The following L3MBTL4 variants were observed in gnomAD, a reference collection of about 807,000 sequenced individuals.
L3MBTL4 encodes lethal(3)malignant brain tumor-like protein 4.
Under a neutral mutation model 84.5 loss-of-function variants are expected in L3MBTL4, and 70 were observed. That is an observed-to-expected ratio of 0.83 (90% CI 0.68 to 1.01). The LOEUF (loss-of-function observed/expected upper bound fraction) is 1.01. Among genes scored for constraint, L3MBTL4 ranks in the 50% least tolerant of loss-of-function variants. The probability of loss-of-function intolerance (pLI) is 0.00; values close to 1 mark genes in which losing one functional copy is unlikely to be tolerated. For missense variants in L3MBTL4, 715 were observed against 754.8 expected, an observed-to-expected ratio of 0.95 and a Z score of 0.62; for synonymous variants, 274 against 259.8, an observed-to-expected ratio of 1.05 and a Z score of -0.52.
At chr18:6,378,651 GGCCTCTGTTCT>G (rs1195194326) in intron 1 of L3MBTL4, among the ~76,000 whole-genome samples, 1 of 152,134 alleles carries the variant, frequency 6.6e-6, no homozygotes, top group Admixed American at 6.6e-5. Flanking sequence ...TTATTTCTGA[GGCCTCTGTTCT>G]GTTCTGTTGG....
chr18:6,345,956 A>G (rs909707235), intron 1 of L3MBTL4, among the ~76,000 whole-genome samples: 4 of 144,112 alleles, frequency 2.8e-5, no homozygotes, highest in Non-Finnish European at 6.0e-5. Flanking sequence ...AAAGTATGGT[A>G]GTAGCATAAA....
At chr18:6,061,785 A>C (rs1004692248) in intron 16 of L3MBTL4, among the ~76,000 whole-genome samples, 2 of 151,828 alleles carry the variant, frequency 1.3e-5, no homozygotes, top group Non-Finnish European at 2.9e-5. Context: ...TATACTTCTA[A>C]ATTAAAAAAC....
At position 6,138,246 on chromosome 18, in the gene L3MBTL4, CGGGAGT is replaced by C; in HGVS notation, c.1141_1146del (p.Thr381_Pro382del). ...CGGATATGGCCTATTCCTCGGCACC[CGGGAGT>C]AGGACAGACAGCTTGACCTGGAAGG... On this transcript the variant is annotated inframe_deletion, in exon 14 of 19. Coordinates refer to ENST00000317931, the MANE Select transcript of L3MBTL4 (RefSeq NM_001330559.2). 2 of 1,613,452 alleles carry C rather than the reference CGGGAGT, an allele frequency of 1.2e-6. No homozygotes were observed. The highest frequency in any genetic ancestry group is 1.7e-6 in the Non-Finnish European group (2 of 1,179,642).
rs562773541 is a variant in L3MBTL4, at chr18:6,317,035, C to T, written c.-90-4979G>A. ...AAATAAATAAATAAATAAATGCACACTGTGGGGAAACAAGATAAGCTTCAA... is the reference window on the plus strand; with the variant it reads ...AAATAAATAAATAAATAAATGCACATTGTGGGGAAACAAGATAAGCTTCAA... On this transcript the variant is annotated intron_variant, in intron 1 of 18. Transcript: ENST00000317931. 8.1e-5 allele frequency among the ~76,000 whole-genome samples: 12 copies of T among 149,012 alleles called. No individual in the cohort carries two copies. The East Asian group carries it at 1.4e-3, about 18-fold the overall frequency.
chr18:6,234,002 AAAT>A (rs1467583559), intron 10 of L3MBTL4, among the ~76,000 whole-genome samples: 1 of 152,210 alleles, frequency 6.6e-6, no homozygotes, highest in African/African-American at 2.4e-5. Context: ...GAGCCCTCAG[AAAT>A]AATACCACAC....
chr18:6,171,803 C>A, intron 13 of L3MBTL4, 25 bp downstream of exon 13: 1 of 1,359,316 alleles, frequency 7.4e-7, no homozygotes, highest in Non-Finnish European at 1.0e-6. Context: ...ATTTAAAAAG[C>A]AACAACAAAG....
intron 10 of L3MBTL4, among the ~76,000 whole-genome samples, chr18:6,218,446 A>G (rs1157034913): frequency 6.6e-6 from 1 of 152,150 alleles, no homozygotes; most frequent in African/African-American, 2.4e-5. Context: ...GGTTGGATAG[A>G]GCGAAAGGAA....
intron 12 of L3MBTL4, among the ~76,000 whole-genome samples, chr18:6,182,825 C>T (rs1388114700): frequency 2.0e-5 from 3 of 152,010 alleles, no homozygotes; most frequent in Non-Finnish European, 2.9e-5. Flanking sequence ...TTTTCAAATG[C>T]TTTTTTAGGG....
chr18:6,202,438 A>G (rs188214230), intron 12 of L3MBTL4, among the ~76,000 whole-genome samples: 62 of 152,244 alleles, frequency 4.1e-4, no homozygotes, highest in African/African-American at 1.4e-3. Flanking sequence ...GGTCCAGTCC[A>G]TATGTTTAAG....
intron 4 of L3MBTL4, among the ~76,000 whole-genome samples, chr18:6,280,084 TAACCTTTCA>T (rs1427616218): frequency 6.6e-6 from 1 of 152,210 alleles, no homozygotes; most frequent in Non-Finnish European, 1.5e-5. Context: ...CACAGCTCGC[TAACCTTTCA>T]AAACACTAGT....
intron 14 of L3MBTL4, among the ~76,000 whole-genome samples, chr18:6,094,005 C>A (rs929908141): frequency 6.6e-6 from 1 of 152,166 alleles, no homozygotes; most frequent in Non-Finnish European, 1.5e-5. Flanking sequence ...TCTGCTTAAT[C>A]CTCCAGAGCT....
chr18:6,145,188 A>G (rs2042596314), intron 13 of L3MBTL4, among the ~76,000 whole-genome samples: 1 of 152,224 alleles, frequency 6.6e-6, no homozygotes, highest in Non-Finnish European at 1.5e-5. Flanking sequence ...CGAGAAATAA[A>G]AGAGATTGTA....
intron 1 of L3MBTL4, among the ~76,000 whole-genome samples, chr18:6,338,484 G>T (rs1301790344): frequency 6.6e-6 from 1 of 151,778 alleles, no homozygotes; most frequent in Non-Finnish European, 1.5e-5. Flanking sequence ...GGAAAAAGAA[G>T]GAAACTAAGC....
chr18:6,124,396 A>T (rs2144381095), intron 14 of L3MBTL4, among the ~76,000 whole-genome samples: 1 of 149,456 alleles, frequency 6.7e-6, no homozygotes, highest in South Asian at 2.1e-4. Flanking sequence ...ATATAGACAT[A>T]TATAGGGGGA....
intron 12 of L3MBTL4, among the ~76,000 whole-genome samples, chr18:6,198,227 C>T (rs1257445502): frequency 2.0e-5 from 3 of 152,194 alleles, no homozygotes; most frequent in South Asian, 2.1e-4. Flanking sequence ...CTCAGGGTTG[C>T]AACCACTCAC....
intron 12 of L3MBTL4, among the ~76,000 whole-genome samples, chr18:6,205,077 GA>G (rs2045814854): frequency 6.6e-6 from 1 of 152,220 alleles, no homozygotes; most frequent in South Asian, 2.1e-4. Flanking sequence ...TGGCAAGGCA[GA>G]TTTTTGCAAG....
chr18:6,402,169 A>C (rs1263239886), intron 1 of L3MBTL4, among the ~76,000 whole-genome samples: 2 of 152,248 alleles, frequency 1.3e-5, no homozygotes, highest in African/African-American at 4.8e-5. Context: ...GATTATTTTT[A>C]TCTCTTCAAA....
chr18:6,302,675 A>G (rs2050394093), intron 3 of L3MBTL4, among the ~76,000 whole-genome samples: 1 of 152,240 alleles, frequency 6.6e-6, no homozygotes, highest in Non-Finnish European at 1.5e-5. Flanking sequence ...GTGGCCATCA[A>G]AATGTATTCC....
At chr18:6,159,693 C>T (rs1364383822) in intron 13 of L3MBTL4, among the ~76,000 whole-genome samples, 1 of 152,176 alleles carries the variant, frequency 6.6e-6, no homozygotes, top group African/African-American at 2.4e-5. Flanking sequence ...CACCACCAGG[C>T]CACTCCATAC....
Sources: gnomAD v4.1 joint callset for allele counts (sites outside exome capture counted in the v4.1 genomes callset) on GRCh38, gnomAD v4.1.1 for gene constraint, MANE v1.5 for transcripts, NCBI Gene and HGNC (gene_info 2026-07-23, HGNC 2026-07-21) for gene names.